The following DMD variants were observed in gnomAD, a reference collection of about 807,000 sequenced individuals.
DMD encodes the protein mutant dystrophin.
In DMD, 63 loss-of-function variants were observed where a neutral mutation model predicts 330.1. The ratio of observed to expected loss-of-function variants is 0.19; its 90% CI spans 0.16 to 0.24. The LOEUF is 0.24. Among genes scored for constraint, DMD ranks in the 10% least tolerant of loss-of-function variants. The pLI, the probability that DMD is intolerant of heterozygous loss-of-function variation, is 1.00. For missense variants in DMD, 3,344 were observed against 2,684.1 expected (o/e 1.25, Z -5.43); for synonymous variants, 1,223 against 959.8 (o/e 1.27, Z -5.07).
intron 7 of DMD, among the ~76,000 whole-genome samples, chrX:32,751,916 C>T (rs774026635): frequency 1.2e-3 from 132 of 112,781 alleles, no homozygotes; most frequent in African/African-American, 3.9e-3. Flanking sequence ...GCAGCTTCCA[C>T]GTCGTGTTGA....
At chrX:32,055,107 A>T (rs2147588068) in intron 44 of DMD, among the ~76,000 whole-genome samples, 1 of 111,539 alleles carries the variant, frequency 9.0e-6, no homozygotes, top group Admixed American at 9.5e-5. Flanking sequence ...CTGGGAGGAC[A>T]AGTGCCTGTG....
At chrX:31,961,775 G>GTT (rs59655083) in intron 45 of DMD, among the ~76,000 whole-genome samples, 47 of 69,883 alleles carry the variant, frequency 6.7e-4, no homozygotes, top group African/African-American at 2.2e-3. Context: ...TTTGTTCTTT[G>GTT]TTTTTTTTTT....
intron 55 of DMD, among the ~76,000 whole-genome samples, chrX:31,524,734 C>T (rs770001537): frequency 2.0e-4 from 23 of 112,222 alleles, no homozygotes; most frequent in Non-Finnish European, 3.8e-4. Flanking sequence ...TCCTTGAGCA[C>T]GGAAGTGAAC....
intron 55 of DMD, among the ~76,000 whole-genome samples, chrX:31,627,154 A>G (rs1483977498): frequency 2.7e-5 from 3 of 112,754 alleles, no homozygotes; most frequent in Middle Eastern, 9.2e-3. Context: ...TTGTTTGATC[A>G]TTAACTACGA....
At chrX:31,501,643 A>G (rs751067155) in intron 56 of DMD, among the ~76,000 whole-genome samples, 8 of 112,130 alleles carry the variant, frequency 7.1e-5, no homozygotes, top group South Asian at 3.7e-4. Context: ...AGGGGCTGAT[A>G]AAGTGATTGT....
At chrX:33,280,514 T>TACA (rs891548790) in intron 1 of DMD, among the ~76,000 whole-genome samples, 1 of 111,389 alleles carries the variant, frequency 9.0e-6, no homozygotes, top group Non-Finnish European at 1.9e-5. Context: ...GTTGGATTAC[T>TACA]ACAACACCAT....
At chrX:32,069,197 T>C (rs1240171818) in intron 44 of DMD, among the ~76,000 whole-genome samples, 1 of 111,499 alleles carries the variant, frequency 9.0e-6, no homozygotes, top group Non-Finnish European at 1.9e-5. Flanking sequence ...TTTCAGATGG[T>C]GGATATCCCA....
intron 32 of DMD, 72 bp from the exon 33 acceptor site, chrX:32,386,537 T>G (rs2097959342): frequency 2.1e-5 from 20 of 930,925 alleles, no homozygotes; most frequent in Non-Finnish European, 3.0e-5. Context: ...TGAACAGAAA[T>G]AAATAGAGAT....
chrX:31,239,307 C>T (rs1008996180), intron 63 of DMD, among the ~76,000 whole-genome samples: 7 of 111,877 alleles, frequency 6.3e-5, no homozygotes, highest in African/African-American at 2.3e-4. Flanking sequence ...TTTAACTCTA[C>T]CTTTTTCTTA....
intron 1 of DMD, among the ~76,000 whole-genome samples, chrX:33,022,659 C>T (rs1470318389): frequency 9.0e-6 from 1 of 110,923 alleles, no homozygotes; most frequent in Non-Finnish European, 1.9e-5. Flanking sequence ...TAATTTACTA[C>T]TTTATACATA....
At chrX:32,193,104 C>T (rs1292459516) in intron 44 of DMD, among the ~76,000 whole-genome samples, 1 of 111,248 alleles carries the variant, frequency 9.0e-6, no homozygotes, top group Admixed American at 9.6e-5. Flanking sequence ...CTTGCTCCTG[C>T]TCTAGCCAGG....
intron 1 of DMD, among the ~76,000 whole-genome samples, chrX:33,149,290 C>T (rs927372314): frequency 2.7e-5 from 3 of 111,394 alleles, no homozygotes; most frequent in African/African-American, 9.8e-5. Context: ...AAAGAGTATG[C>T]GACCTAGATC....
intron 44 of DMD, among the ~76,000 whole-genome samples, chrX:32,143,314 CT>C (rs1162027787): frequency 1.8e-5 from 2 of 111,086 alleles, no homozygotes; most frequent in Non-Finnish European, 3.8e-5. Flanking sequence ...TTCACAAGAA[CT>C]TTTGACTTAA....
intron 21 of DMD, among the ~76,000 whole-genome samples, chrX:32,473,484 A>G (rs1285964264): frequency 2.7e-5 from 3 of 111,800 alleles, no homozygotes; most frequent in African/African-American, 9.7e-5. Flanking sequence ...ATCAAATAAC[A>G]TTATCTAAAT....
intron 2 of DMD, among the ~76,000 whole-genome samples, chrX:32,926,960 T>A (rs1115706): frequency 0.32 from 35,254 of 110,409 alleles, 4,238 homozygotes; most frequent in East Asian, 0.59. Context: ...ACACATTTAC[T>A]AGGTTGTTAT....
At chrX:31,800,307 G>A (rs1282312124) in intron 50 of DMD, among the ~76,000 whole-genome samples, 2 of 112,520 alleles carry the variant, frequency 1.8e-5, no homozygotes, top group Non-Finnish European at 1.9e-5. Context: ...CTAGGCAGAG[G>A]TTGCAAACCT....
intron 1 of DMD, among the ~76,000 whole-genome samples, chrX:33,239,102 C>T (rs1308606501): frequency 9.3e-6 from 1 of 107,084 alleles, no homozygotes; most frequent in Non-Finnish European, 1.9e-5. Context: ...ACTAAAAATA[C>T]AAAAATTAGC....
intron 1 of DMD, among the ~76,000 whole-genome samples, chrX:33,197,854 G>C (rs988462647): frequency 9.0e-6 from 1 of 111,000 alleles, no homozygotes; most frequent in Non-Finnish European, 1.9e-5. Context: ...GGATACTTGA[G>C]CTGTTTCTTG....
At chrX:32,449,934 C>A (rs762907190) in intron 26 of DMD, among the ~76,000 whole-genome samples, 33 of 111,078 alleles carry the variant, frequency 3.0e-4, no homozygotes, top group Non-Finnish European at 6.1e-4. Context: ...TTAATCCCAG[C>A]AAACACTGTT....
Sources: gnomAD v4.1 joint callset for allele counts (sites outside exome capture counted in the v4.1 genomes callset) on GRCh38, gnomAD v4.1.1 for gene constraint, MANE v1.5 for transcripts, NCBI Gene and HGNC (gene_info 2026-07-23, HGNC 2026-07-21) for gene names.